ESS2: variants seen among roughly 807,000 people sequenced by gnomAD.
The protein encoded by ESS2 is splicing factor ESS-2 homolog.
ESS2 carries 31 observed loss-of-function variants against 52.0 expected under a neutral mutation model. The observed-to-expected ratio is 0.60, with a 90% CI of 0.45 to 0.81. The LOEUF (loss-of-function observed/expected upper bound fraction) is 0.81, where lower values mean the gene tolerates loss of function less well. Ranked by LOEUF, ESS2 falls within the 30% of genes least tolerant of loss-of-function variation. The probability of loss-of-function intolerance (pLI) is 0.00; values close to 1 mark genes in which losing one functional copy is unlikely to be tolerated. For synonymous variants in ESS2, 285 were observed against 259.2 expected (o/e 1.10, Z -0.95); for missense variants, 602 against 637.2 (o/e 0.94, Z 0.59).
rs1283493261 is a variant in ESS2, at chr22:19,139,149, G to T, written c.822+10C>A. ...CTGGCCCATGCGGCCCTGCTGACCC[G>T]CCTGCTCACCTGGGCATTGAGGGCG... On this transcript the variant is annotated intron_variant, in intron 6 of 9. Coordinates refer to ENST00000252137, the MANE Select transcript of ESS2 (RefSeq NM_022719.3). The T allele has an allele frequency of 6.3e-6, 10 of 1,581,384 alleles. No homozygotes were observed. The highest frequency in any genetic ancestry group is 2.3e-5 in the East Asian group (1 of 43,384).
rs537105916 is a variant in ESS2 at position 19,144,631 on chromosome 22, G to A, written c.10C>T (p.Pro4Ser). ...AACAAGGACGACGCTGATGCGCCCGGCGTCTCCATCGCTATCCCAGGAAAA... is the reference window on the plus strand; with the variant it reads ...AACAAGGACGACGCTGATGCGCCCGACGTCTCCATCGCTATCCCAGGAAAA... The part of the protein sequence containing the change: MET[P>S]GASASSLLLP... The change falls in exon 1 of 10, where the codon CCG (proline) becomes TCG (serine). Residue 4 changes from proline (P) to serine (S), a missense_variant. Pro to Ser is a moderately conservative substitution (Grantham distance 74). Transcript: ENST00000252137. 2 of 1,530,560 alleles carry A rather than the reference G, an allele frequency of 1.3e-6. No individual in the cohort carries two copies. Among genetic ancestry groups the A allele is most frequent in the African/African-American group, 1.4e-5 (1 of 71,486 alleles). The allele number at this position is 1,530,560 out of a possible 1,614,324, so 94.8% of individuals were successfully genotyped here.
At chr22:19,143,625 G>C (rs1368591106) in intron 1 of ESS2, among the ~76,000 whole-genome samples, 1 of 152,126 alleles carries the variant, frequency 6.6e-6, no homozygotes, top group African/African-American at 2.4e-5. Context: ...AGAGGCCAAG[G>C]CGGGCGGATC....
intron 5 of ESS2, 96 bp downstream of exon 5, chr22:19,139,516 A>G (rs2083645380): frequency 1.5e-6 from 2 of 1,317,848 alleles, no homozygotes; most frequent in African/African-American, 1.4e-5. Context: ...GCAAGGGGGC[A>G]CGGCCATACA....
chr22:19,135,479 G>A (rs1156320163), intron 8 of ESS2, among the ~76,000 whole-genome samples: 8 of 152,134 alleles, frequency 5.3e-5, no homozygotes, highest in Admixed American at 2.0e-4. Flanking sequence ...TGTCTTTATC[G>A]GCGCTCTGTA....
rs367983628 is a variant in ESS2, at chr22:19,139,902, G to A, written c.523C>T (p.Arg175Trp). ...TGGTAGAGCCAAGCGTGGCGTGCCC[G>A]GCTTCTCTCCTTGGCCACCTCCATG... ...EIMEVAKERS[R>W]ARHAWLYQAE... Residue 175 changes from arginine to tryptophan, a missense_variant, in exon 4 of 10, where the codon CGG becomes TGG. Transcript: ENST00000252137. 2.0e-5 allele frequency: 32 copies of A among 1,613,986 alleles called. No individual in the cohort carries two copies. Among genetic ancestry groups the A allele is most frequent in the South Asian group, 2.2e-5 (2 of 91,080 alleles).
In ESS2 at chr22:19,135,055, C is replaced by T. The variant is rs778651130; in HGVS notation, c.1151+5G>A. 17 of 1,612,386 alleles carry T rather than the reference C, an allele frequency of 1.1e-5. No homozygotes were observed. In the South Asian group the frequency reaches 1.9e-4, roughly 18 times the overall value. On this transcript the variant is annotated splice_donor_5th_base_variant and intron_variant, in intron 9 of 9. Transcript: ENST00000252137. ...CACTTCCCCACCAGCCAGGCGGCCC[C>T]TCACCTGGCCAGATTCTCCGTCACT...
At chr22:19,136,030 T>G (rs1280742986) in intron 8 of ESS2, among the ~76,000 whole-genome samples, 2 of 76,980 alleles carry the variant, frequency 2.6e-5, no homozygotes, top group Non-Finnish European at 5.8e-5. Context: ...ACCCTATCTG[T>G]TAAAAAAAAA....
Position 19,132,325 on chromosome 22 carries a change from AC to A in ESS2, c.*1870del. 1 of 1,612,668 alleles carries A rather than the reference AC, an allele frequency of 6.2e-7. No homozygotes were observed. The highest frequency in any genetic ancestry group is 8.5e-7 in the Non-Finnish European group (1 of 1,179,948). On this transcript the variant is annotated 3_prime_UTR_variant, in exon 10 of 10. Transcript: ENST00000252137. This position sits in a 1 kb window ranked among gnomAD's most constrained non-coding sequence, Gnocchi z 4.2. ...ACCAAGACAGGCTTGAGGCCCGACC[AC>A]CGGCCCGACCACAAGCTTGGAGCCA...
rs1218706094 is a variant in ESS2, at chr22:19,134,223, G to C, written c.1404C>G (p.Ala468=). The change falls in exon 10 of 10, where the codon GCC becomes GCG. Residue 468 remains alanine, a synonymous_variant. Coordinates refer to ENST00000252137, the MANE Select transcript of ESS2 (RefSeq NM_022719.3). ...SITDNLLQLP[A]RRKASDFF ...AAAAGAAGTCCGAAGCTTTGCGCCG[G>C]GCAGGGAGCTGCAGCAGGTTGTCCG... 4 of 1,530,802 alleles carry C rather than the reference G, an allele frequency of 2.6e-6. No homozygotes were observed. The highest frequency in any genetic ancestry group is 3.5e-6 in the Non-Finnish European group (4 of 1,136,968). The allele number at this position is 1,530,802 out of a possible 1,614,324, so 94.8% of individuals were successfully genotyped here.
At chr22:19,139,114 C>G in intron 6 of ESS2, 45 bp downstream of exon 6, 4 of 1,547,880 alleles carry the variant, frequency 2.6e-6, no homozygotes, top group Non-Finnish European at 3.5e-6. Flanking sequence ...CCCAGGCAGC[C>G]CTGTCCAACC....
intron 4 of ESS2, 57 bp downstream of exon 4, chr22:19,139,798 C>G (rs2083652064): frequency 3.1e-6 from 5 of 1,613,790 alleles, no homozygotes; most frequent in Non-Finnish European, 4.2e-6. Flanking sequence ...CCCTGGGGCT[C>G]CCCAACCACC....
Position 19,132,731 on chromosome 22 carries a change from C to T in ESS2, c.*1465G>A, listed in dbSNP as rs1285221263. The T allele has an allele frequency of 2.1e-5, 10 of 481,300 alleles. No individual in the cohort carries two copies. Among genetic ancestry groups the T allele is most frequent in the Non-Finnish European group, 3.7e-5 (10 of 269,226 alleles). The allele number at this position is 481,300 out of a possible 1,614,324, so 29.8% of individuals were successfully genotyped here. On this transcript the variant is annotated 3_prime_UTR_variant, in exon 10 of 10. Transcript: ENST00000252137. The surrounding 1 kb of genome is among the most constrained non-coding windows in gnomAD (Gnocchi z 4.2). The stretch of plus-strand genomic sequence containing the variant: ...AGAGTGCCCAGTGAGGAGTGTTTTT[C>T]TCTGGGACTCAGCCAACCGCCCCAC...
At position 19,132,594 on chromosome 22, in the gene ESS2, A is replaced by C. The variant is rs2146086099; in HGVS notation, c.*1602T>G. 9.6e-7 allele frequency: 1 copy of C among 1,044,704 alleles called. No homozygotes were observed. Among genetic ancestry groups the C allele is most frequent in the East Asian group, 2.4e-5 (1 of 41,578 alleles). 64.7% of individuals were successfully genotyped at this position (1,044,704 alleles called of 1,614,324 possible). A position where few individuals can be genotyped will look rare whatever the true frequency, so the allele number is the denominator to read the frequency against. ...TGAAGAAGGCACAGGTGCAAGTAAA[A>C]TTCGTCAATTAAACCACTATTTTGA... is the stretch of plus-strand genomic sequence containing the variant. On this transcript the variant is annotated 3_prime_UTR_variant, in exon 10 of 10. Transcript: ENST00000252137. The surrounding 1 kb of genome is among the most constrained non-coding windows in gnomAD (Gnocchi z 4.2).
Position 19,137,541 on chromosome 22 carries a change from G to A in ESS2, c.926-109C>T, listed in dbSNP as rs567206939. ...TGCATCCCAGCTAATACGAAGGCAG[G>A]CAGCTAGCCCTCTCTCCTTCCCCAG... On this transcript the variant is annotated intron_variant, in intron 7 of 9. Coordinates refer to ENST00000252137, the MANE Select transcript of ESS2 (RefSeq NM_022719.3). 72 of 971,250 alleles carry A rather than the reference G, an allele frequency of 7.4e-5. 1 individual carries two copies. In the South Asian group the frequency reaches 1.1e-3, roughly 15 times the overall value. 60.2% of individuals were successfully genotyped at this position (971,250 alleles called of 1,614,324 possible). A position where few individuals can be genotyped will look rare whatever the true frequency, so the allele number is the denominator to read the frequency against.
chr22:19,144,028 G>C, intron 1 of ESS2: 1 of 989,664 alleles, frequency 1.0e-6, no homozygotes, highest in Non-Finnish European at 1.2e-6. Context: ...AAGGTGTCCC[G>C]AATTAAACAG....
intron 7 of ESS2, 140 bp downstream of exon 7, chr22:19,138,075 A>G (rs1488936054): frequency 6.7e-7 from 1 of 1,489,468 alleles, no homozygotes; most frequent in African/African-American, 1.4e-5. Context: ...CCTTGTACAG[A>G]CAGGAGACCA....
Position 19,144,572 on chromosome 22 carries a change from G to A in ESS2, c.69C>T (p.Arg23=), listed in dbSNP as rs1262907505. ...TCGCAGCCCCAGCCTCTCCCGCCTC[G>A]CGCTTCCTCGGGGGCCTGGACGCGG... ...LPAASRPPRK[R]EAGEAGAATS... The change falls in exon 1 of 10, where the codon CGC becomes CGT. Residue 23 remains arginine, a synonymous_variant. Transcript: ENST00000252137. 3.7e-6 allele frequency: 6 copies of A among 1,606,272 alleles called. No homozygotes were observed. The highest frequency in any genetic ancestry group is 5.1e-6 in the Non-Finnish European group (6 of 1,175,948).
At chr22:19,144,407 C>G in intron 1 of ESS2, 99 bp downstream of exon 1, 1 of 1,576,372 alleles carries the variant, frequency 6.3e-7, no homozygotes, top group South Asian at 1.2e-5. Flanking sequence ...TCCACTTCCA[C>G]GAGGAGACGG....
At chr22:19,144,337 CCACAGACGTCTT>C (rs2083747444) in intron 1 of ESS2, 157 bp downstream of exon 1, 13 of 1,428,822 alleles carry the variant, frequency 9.1e-6, no homozygotes, top group Non-Finnish European at 1.1e-5. Context: ...GCCTCTTCCA[CCACAGACGTCTT>C]CCTCTGCCCT....
Sources: gnomAD v4.1 joint callset for allele counts (sites outside exome capture counted in the v4.1 genomes callset) on GRCh38, gnomAD v4.1.1 for gene constraint, Gnocchi (gnomAD v3.1) non-coding constraint, MANE v1.5 for transcripts, NCBI Gene and HGNC (gene_info 2026-07-23, HGNC 2026-07-21) for gene names.